Variants in P3H1 observed in about 807,000 individuals in gnomAD.
P3H1 encodes growth suppressor 1.
P3H1 carries 69 observed loss-of-function variants against 84.0 expected under a neutral mutation model. The observed-to-expected ratio is 0.82, with a 90% confidence interval of 0.68 to 1.00. The LOEUF (loss-of-function observed/expected upper bound fraction) is 1.00, where lower values mean the gene tolerates loss of function less well. P3H1 is among the 50% of genes least tolerant of loss of function. The pLI is 0.00. For missense variants in P3H1, 878 were observed against 962.8 expected, an observed-to-expected ratio of 0.91 and a Z score of 1.17; for synonymous variants, 366 against 388.8, an observed-to-expected ratio of 0.94 and a Z score of 0.69.
chr1:42,759,114 G>A, intron 3 of P3H1, 87 bp downstream of exon 3: 3 of 1,564,544 alleles, frequency 1.9e-6, no homozygotes, highest in East Asian at 2.2e-5. Flanking sequence ...GAGGAATGAG[G>A]GTGAAGAGTC....
intron 9 of P3H1, 35 bp downstream of exon 9, chr1:42,752,502 C>T: frequency 1.2e-6 from 2 of 1,613,902 alleles, no homozygotes; most frequent in East Asian, 2.2e-5. Flanking sequence ...ATGCTGGACC[C>T]TTGGGGGAAG....
At chr1:42,757,520 C>T (rs562949556) in intron 5 of P3H1, among the ~76,000 whole-genome samples, 21 of 152,172 alleles carry the variant, frequency 1.4e-4, no homozygotes, top group Non-Finnish European at 2.1e-4. Context: ...ATATGCTCAC[C>T]GCGCAGTTCT....
In P3H1 at chr1:42,755,575, A is replaced by T; in HGVS notation, c.1143T>A (p.Asp381Glu). The T allele has an allele frequency of 5.0e-6, 8 of 1,614,050 alleles. No homozygotes were observed. The highest frequency in any genetic ancestry group is 6.8e-6 in the Non-Finnish European group (8 of 1,179,944). ...LEKELLFFAY[D>E]VFGIPFVDPD... ...GATCCACAAAGGGAATTCCAAAAAC[A>T]TCATAAGCGAAGAAAAGCAGTTCTT... The change falls in exon 6 of 15, where the codon GAT (aspartate) becomes GAA (glutamate). Residue 381 changes from aspartate (D) to glutamate (E), a missense_variant. By Grantham distance (45) the Asp-to-Glu change is conservative. Coordinates refer to ENST00000296388, the MANE Select transcript of P3H1 (RefSeq NM_022356.4).
Position 42,766,843 on chromosome 1 carries a change from G to C in P3H1, c.129C>G (p.Thr43=). The C allele has an allele frequency of 6.2e-7, 1 of 1,605,416 alleles. No individual in the cohort carries two copies. The highest frequency in any genetic ancestry group is 8.5e-7 in the Non-Finnish European group (1 of 1,179,766). Residue 43 remains threonine (T), a synonymous_variant, in exon 1 of 15, where the codon ACC becomes ACG. Coordinates refer to ENST00000296388, the MANE Select transcript of P3H1 (RefSeq NM_022356.4). ...VTPDLLFAEG[T]AAYARGDWPG... ...GCCAGTCCCCGCGCGCGTAGGCTGC[G>C]GTCCCCTCGGCGAAGAGCAGATCAG...
chr1:42,752,425 G>C (rs1280774918), intron 9 of P3H1, 56 bp from the exon 10 acceptor site: 2 of 1,609,428 alleles, frequency 1.2e-6, no homozygotes, highest in East Asian at 4.5e-5. Context: ...GGCTTGAGAA[G>C]AGGTGGTCAA....
In P3H1 at chr1:42,750,333, C is replaced by T. The variant is rs1651966514; in HGVS notation, c.1573G>A (p.Gly525Arg). 6.2e-7 allele frequency: 1 copy of T among 1,613,870 alleles called. No homozygotes were observed. Among genetic ancestry groups the T allele is most frequent in the African/African-American group, 1.3e-5 (1 of 74,910 alleles). The change falls in exon 11 of 15, where the codon GGG becomes AGG. Residue 525 changes from glycine to arginine, a missense_variant. Coordinates refer to ENST00000296388, the MANE Select transcript of P3H1 (RefSeq NM_022356.4). ...TGCAGAGGAACTTTGCCTTCTTGCCCCAGCTGCCAAGGAGACAGATGGTCA... is the reference window on the plus strand; with the variant it reads ...TGCAGAGGAACTTTGCCTTCTTGCCTCAGCTGCCAAGGAGACAGATGGTCA... ...GVTVFKALKLGQEGKVPLQSA... is the reference protein window; with the variant it reads ...GVTVFKALKLRQEGKVPLQSA...
chr1:42,759,184 C>G lies in P3H1; in HGVS notation c.808+17G>C. 1 of 1,614,120 alleles carries G rather than the reference C, an allele frequency of 6.2e-7. No individual in the cohort carries two copies. Reference sequence around the variant, plus strand: ...CCAGGAGGCCTGGCTGAAGGTCTGGCTCTGAACTGCACGCACCTGTGATGG... The same window carrying G: ...CCAGGAGGCCTGGCTGAAGGTCTGGGTCTGAACTGCACGCACCTGTGATGG... On this transcript the variant is annotated intron_variant, in intron 3 of 14. Coordinates refer to ENST00000296388, the MANE Select transcript of P3H1 (RefSeq NM_022356.4).
Position 42,754,767 on chromosome 1 carries a change from T to G in P3H1, c.1345+102A>C. 7.8e-4 allele frequency: 1,169 copies of G among 1,495,850 alleles called. No homozygotes were observed. Among genetic ancestry groups the G allele is most frequent in the Non-Finnish European group, 9.8e-4 (1,060 of 1,078,122 alleles). The allele number at this position is 1,495,850 out of a possible 1,614,324, so 92.7% of individuals were successfully genotyped here. A position where few individuals can be genotyped will look rare whatever the true frequency, so the allele number is the denominator to read the frequency against. The stretch of plus-strand genomic sequence containing the variant: ...CACCCTAAGGGTGGCTGGCTCATGG[T>G]GAGCTCTGCAATGCTGGGGTGGAGC... On this transcript the variant is annotated intron_variant, in intron 8 of 14. Transcript: ENST00000296388. The surrounding 1 kb of genome is among the most constrained non-coding windows in gnomAD (Gnocchi z 4.0).
intron 14 of P3H1, 24 bp from the exon 15 acceptor site, chr1:42,746,876 T>C: frequency 6.2e-7 from 1 of 1,614,136 alleles, no homozygotes; most frequent in Non-Finnish European, 8.5e-7. Context: ...CCCCTGCCCA[T>C]TCAGAGAGGC....
At chr1:42,759,039 T>G in intron 3 of P3H1, 56 bp from the exon 4 acceptor site, 8 of 1,610,130 alleles carry the variant, frequency 5.0e-6, no homozygotes, top group Middle Eastern at 1.7e-4. Context: ...GAACTCAAAT[T>G]CTGGTTAAGA....
rs766101603 is a variant in P3H1, at chr1:42,762,467, C to A, written c.474G>T (p.Lys158Asn). The A allele has an allele frequency of 1.9e-6, 3 of 1,614,064 alleles. No homozygotes were observed. In the African/African-American group the frequency reaches 4.0e-5, roughly 22 times the overall value. The change falls in exon 2 of 15, where the codon AAG (lysine) becomes AAT (asparagine). Residue 158 changes from lysine (K) to asparagine (N), a missense_variant. Lys to Asn is a moderately conservative substitution (Grantham distance 94). Coordinates refer to ENST00000296388, the MANE Select transcript of P3H1 (RefSeq NM_022356.4). ...GTGCTGCAGCAACAGCTTTCTCCAA[C>A]TTGTTGATCTAAGAATGAAGCATGA... ...YLQVAYFKIN[K>N]LEKAVAAAHT...
intron 6 of P3H1, 142 bp from the exon 7 acceptor site, chr1:42,755,359 T>C (rs1004028690): frequency 7.3e-6 from 7 of 964,612 alleles, no homozygotes; most frequent in Admixed American, 1.9e-5. Flanking sequence ...GGTTTCCACA[T>C]CTAAGTCCCT....
intron 11 of P3H1, chr1:42,749,762 GTT>G: frequency 5.3e-6 from 1 of 187,368 alleles, no homozygotes; most frequent in Non-Finnish European, 1.1e-5. Context: ...TCTTTTTGTT[GTT>G]GTTGTTGTTG....
At position 42,748,232 on chromosome 1, in the gene P3H1, T is replaced by G. The variant is rs144336336; in HGVS notation, c.1806A>C (p.Lys602Asn). The G allele has an allele frequency of 8.4e-4, 1,356 of 1,613,922 alleles. 1 individual carries two copies. Among genetic ancestry groups the G allele is most frequent in the Non-Finnish European group, 1.0e-3 (1,236 of 1,180,002 alleles). Residue 602 changes from lysine (K) to asparagine (N), a missense_variant, in exon 12 of 15, where the codon AAA (lysine) becomes AAC (asparagine). Lys to Asn is a moderately conservative substitution (Grantham distance 94). Coordinates refer to ENST00000296388, the MANE Select transcript of P3H1 (RefSeq NM_022356.4). The part of the protein sequence containing the change: ...ILNAETLVCV[K>N]EPPAYTFRDY... The stretch of plus-strand genomic sequence containing the variant: ...CGCGGAAGGTGTAGGCTGGGGGCTC[T>G]TTGACACACACGAGGGTCTCGGCAT...
In P3H1 at chr1:42,752,300, C is replaced by A; in HGVS notation, c.1543G>T (p.Gly515Cys). ...SPHTPNEKFY[G>C]VTVFKALKLG... ...TTGAGGGCTTTGAAGACAGTGACAC[C>A]ATAGAACTTTTCATTGGGAGTATGT... The change falls in exon 10 of 15, where the codon GGT (glycine) becomes TGT (cysteine). Residue 515 changes from glycine (G) to cysteine (C), a missense_variant. By Grantham distance (159) the Gly-to-Cys change is radical. Transcript: ENST00000296388. 6.2e-7 allele frequency: 1 copy of A among 1,614,050 alleles called. No individual in the cohort carries two copies.
Position 42,752,384 on chromosome 1 carries a change from A to C in P3H1, c.1474-15T>G. 6.2e-7 allele frequency: 1 copy of C among 1,613,458 alleles called. No homozygotes were observed. The highest frequency in any genetic ancestry group is 1.1e-5 in the South Asian group (1 of 91,070). ...GTTGCTGCCACCTACAAGGCCCAAA[A>C]CACAAGGTGATGTTAGCCAGGGCAG... On this transcript the variant is annotated splice_polypyrimidine_tract_variant and intron_variant, in intron 9 of 14. Transcript: ENST00000296388.
At chr1:42,751,082 T>C (rs927117603) in intron 10 of P3H1, among the ~76,000 whole-genome samples, 22 of 133,324 alleles carry the variant, frequency 1.7e-4, no homozygotes, top group African/African-American at 5.1e-4. Flanking sequence ...CAGCGGCTCA[T>C]TGGGGATGGG....
chr1:42,762,573 C>T (rs1186009945), intron 1 of P3H1, 98 bp from the exon 2 acceptor site: 2 of 1,344,178 alleles, frequency 1.5e-6, no homozygotes, highest in Non-Finnish European at 2.1e-6. Flanking sequence ...ATCCCTGCCT[C>T]CCTGAGCCCT....
intron 2 of P3H1, among the ~76,000 whole-genome samples, chr1:42,759,701 C>T (rs1013036813): frequency 1.3e-5 from 2 of 152,040 alleles, no homozygotes; most frequent in Non-Finnish European, 2.9e-5. Context: ...TCAAGTGATT[C>T]TCTTGCCTCA....
Sources: gnomAD v4.1 joint callset for allele counts (sites outside exome capture counted in the v4.1 genomes callset) on GRCh38, gnomAD v4.1.1 for gene constraint, Gnocchi (gnomAD v3.1) non-coding constraint, MANE v1.5 for transcripts, NCBI Gene and HGNC (gene_info 2026-07-23, HGNC 2026-07-21) for gene names.